TRPM3: variants seen among roughly 807,000 people sequenced by gnomAD.
TRPM3 encodes the protein long transient receptor potential channel 3.
Under a neutral mutation model 181.2 loss-of-function variants are expected in TRPM3, and 77 were observed. The observed-to-expected ratio is 0.42, with a 90% CI of 0.35 to 0.51. TRPM3 has a LOEUF of 0.51. Ranked by LOEUF, TRPM3 falls within the 20% of genes least tolerant of loss-of-function variation. The pLI is 0.01. For missense variants in TRPM3, 1,759 were observed against 2,196.7 expected (o/e 0.80, Z 3.98); for synonymous variants, 745 against 796.4 (o/e 0.94, Z 1.09).
chr9:70,811,256 T>C, intron 6 of TRPM3: 1 of 1,598,126 alleles, frequency 6.3e-7, no homozygotes, highest in Non-Finnish European at 8.5e-7. Flanking sequence ...TGTCAAAAAA[T>C]AAAATCTTTG....
chr9:70,925,594 C>G (rs924810610), intron 1 of TRPM3, among the ~76,000 whole-genome samples: 2 of 151,884 alleles, frequency 1.3e-5, no homozygotes, highest in South Asian at 2.1e-4. Context: ...ATATATATCT[C>G]CTCCTGTCTA....
intron 7 of TRPM3, among the ~76,000 whole-genome samples, chr9:70,778,492 T>C (rs906417754): frequency 6.6e-6 from 1 of 152,180 alleles, no homozygotes; most frequent in Non-Finnish European, 1.5e-5. Flanking sequence ...TAACCCTTTT[T>C]ATAGATAAAA....
chr9:70,782,996 C>A (rs1020173144), intron 7 of TRPM3, among the ~76,000 whole-genome samples: 3 of 152,064 alleles, frequency 2.0e-5, no homozygotes, highest in East Asian at 3.9e-4. Context: ...CATGCTCAGT[C>A]TCTATTTAAA....
intron 3 of TRPM3, among the ~76,000 whole-genome samples, chr9:70,851,728 A>C (rs2095236758): frequency 6.6e-6 from 1 of 152,148 alleles, no homozygotes; most frequent in Middle Eastern, 3.2e-3. Flanking sequence ...CCAGCTCCCC[A>C]TCTTACAGAT....
At chr9:71,277,667 C>T (rs1481728913) in intron 1 of TRPM3, among the ~76,000 whole-genome samples, 1 of 152,120 alleles carries the variant, frequency 6.6e-6, no homozygotes, top group African/African-American at 2.4e-5. Flanking sequence ...AGAGCACCTC[C>T]CCAAATAGAA....
intron 1 of TRPM3, among the ~76,000 whole-genome samples, chr9:71,156,699 AG>A (rs1222089441): frequency 6.6e-6 from 1 of 152,120 alleles, no homozygotes; most frequent in African/African-American, 2.4e-5. Flanking sequence ...TACTTAGGAA[AG>A]CTTGCTATAA....
At chr9:71,138,534 C>T (rs1258279845) in intron 1 of TRPM3, among the ~76,000 whole-genome samples, 1 of 151,852 alleles carries the variant, frequency 6.6e-6, no homozygotes. Flanking sequence ...TAAGCATTCT[C>T]TCCTTTTTCT....
intron 1 of TRPM3, among the ~76,000 whole-genome samples, chr9:70,964,402 G>A (rs1288137923): frequency 6.6e-6 from 1 of 152,062 alleles, no homozygotes; most frequent in Non-Finnish European, 1.5e-5. Flanking sequence ...TTGGTAAGTG[G>A]CAGAAATGTG....
intron 9 of TRPM3, among the ~76,000 whole-genome samples, chr9:70,656,029 GA>G (rs1194045425): frequency 6.6e-6 from 1 of 152,086 alleles, no homozygotes; most frequent in African/African-American, 2.4e-5. Context: ...TACCTTATCA[GA>G]AAAAGTAAAG....
At chr9:71,214,470 T>C (rs1471234910) in intron 1 of TRPM3, among the ~76,000 whole-genome samples, 1 of 152,170 alleles carries the variant, frequency 6.6e-6, no homozygotes, top group Non-Finnish European at 1.5e-5. Context: ...GCATAATTTA[T>C]AGGAGCCAAA....
chr9:70,759,192 A>G (rs993051852), intron 8 of TRPM3, among the ~76,000 whole-genome samples: 4 of 152,240 alleles, frequency 2.6e-5, no homozygotes, highest in Non-Finnish European at 5.9e-5. Flanking sequence ...GACAATCCTC[A>G]AAAGAAGACA....
chr9:71,089,579 A>C (rs1267621415), intron 1 of TRPM3, among the ~76,000 whole-genome samples: 1 of 152,050 alleles, frequency 6.6e-6, no homozygotes, highest in Non-Finnish European at 1.5e-5. Flanking sequence ...ATGTGAAAAA[A>C]AAAACACCAA....
At chr9:70,757,544 T>G (rs1784782960) in intron 8 of TRPM3, among the ~76,000 whole-genome samples, 1 of 152,052 alleles carries the variant, frequency 6.6e-6, no homozygotes, top group African/African-American at 2.4e-5. Flanking sequence ...AAAAGGAAAA[T>G]TTCAGGCCAA....
chr9:70,549,412 CT>C, intron 25 of TRPM3, 129 bp downstream of exon 25: 3 of 1,224,960 alleles, frequency 2.4e-6, no homozygotes, highest in Non-Finnish European at 3.4e-6. Context: ...CTCTCATAAG[CT>C]CCATGATTTC....
intron 1 of TRPM3, among the ~76,000 whole-genome samples, chr9:71,324,536 T>C (rs1402756379): frequency 2.0e-5 from 3 of 151,742 alleles, no homozygotes; most frequent in Non-Finnish European, 4.4e-5. Context: ...ATCTAGTATA[T>C]CCACTATGGA....
intron 1 of TRPM3, among the ~76,000 whole-genome samples, chr9:71,387,217 C>T (rs895641669): frequency 3.3e-5 from 5 of 152,150 alleles, no homozygotes; most frequent in African/African-American, 7.2e-5. Flanking sequence ...AGTTAAGAAG[C>T]TTCCTCAACA....
chr9:71,376,929 C>T (rs2092680970), intron 1 of TRPM3, among the ~76,000 whole-genome samples: 1 of 152,058 alleles, frequency 6.6e-6, no homozygotes, highest in Admixed American at 6.6e-5. Context: ...CTGCACATTA[C>T]ATTCTCTGGA....
At chr9:70,901,481 T>C (rs2096386165) in intron 1 of TRPM3, among the ~76,000 whole-genome samples, 1 of 152,208 alleles carries the variant, frequency 6.6e-6, no homozygotes, top group South Asian at 2.1e-4. Flanking sequence ...AATGTAACTT[T>C]GGTCATCAGC....
intron 1 of TRPM3, among the ~76,000 whole-genome samples, chr9:70,905,030 C>T (rs908484235): frequency 6.6e-6 from 1 of 152,110 alleles, no homozygotes; most frequent in Non-Finnish European, 1.5e-5. Context: ...GGGCAGATGC[C>T]AGTAATCCTG....
Sources: gnomAD v4.1 joint callset for allele counts (sites outside exome capture counted in the v4.1 genomes callset) on GRCh38, gnomAD v4.1.1 for gene constraint, MANE v1.5 for transcripts, NCBI Gene and HGNC (gene_info 2026-07-23, HGNC 2026-07-21) for gene names.